Variants in LSAMP observed in about 807,000 individuals in gnomAD.
The protein encoded by LSAMP is limbic system associated membrane protein.
A neutral mutation model predicts 38.6 loss-of-function variants in LSAMP; 7 were observed. The observed-to-expected ratio is 0.18, with a 90% CI of 0.10 to 0.34. LSAMP has a LOEUF of 0.34. Among genes scored for constraint, LSAMP ranks in the 10% least tolerant of loss-of-function variants. The pLI, the probability that LSAMP is intolerant of heterozygous loss-of-function variation, is 1.00. For missense variants in LSAMP, 313 were observed against 420.0 expected (o/e 0.75, Z 2.23); for synonymous variants, 154 against 166.8 (o/e 0.92, Z 0.59).
chr3:116,245,715 C>G (rs1015087981), intron 1 of LSAMP, among the ~76,000 whole-genome samples: 1 of 152,076 alleles, frequency 6.6e-6, no homozygotes, highest in African/African-American at 2.4e-5. Context: ...TCATTAAACA[C>G]CTGAGAGATT....
intron 6 of LSAMP, among the ~76,000 whole-genome samples, chr3:115,817,444 C>G (rs958277396): frequency 2.0e-5 from 3 of 150,510 alleles, no homozygotes; most frequent in African/African-American, 7.4e-5. Flanking sequence ...AGTGGATATT[C>G]AATAAATATT....
intron 6 of LSAMP, among the ~76,000 whole-genome samples, chr3:115,818,483 CTT>C (rs1056002101): frequency 1.4e-4 from 22 of 151,992 alleles, no homozygotes; most frequent in African/African-American, 7.2e-5. Flanking sequence ...CTTCACCTCT[CTT>C]TGCGTCAGTT....
chr3:116,026,468 T>C (rs1576316769), intron 2 of LSAMP, among the ~76,000 whole-genome samples: 1 of 152,300 alleles, frequency 6.6e-6, no homozygotes, highest in East Asian at 1.9e-4. Context: ...TAGACATATA[T>C]GATTTACTTG....
chr3:115,996,284 C>T (rs752465773), intron 3 of LSAMP, among the ~76,000 whole-genome samples: 18 of 152,154 alleles, frequency 1.2e-4, no homozygotes, highest in Non-Finnish European at 2.4e-4. Context: ...TGAACATTTA[C>T]TACATGTTAG....
At chr3:116,152,222 C>G (rs1281328564) in intron 1 of LSAMP, among the ~76,000 whole-genome samples, 1 of 152,116 alleles carries the variant, frequency 6.6e-6, no homozygotes, top group Non-Finnish European at 1.5e-5. Flanking sequence ...ATACACTCTA[C>G]TATTAATAGA....
rs926725439 is a variant in LSAMP, at chr3:116,202,529, C to G, written c.156-115973G>C. 1.4e-4 allele frequency among the ~76,000 whole-genome samples: 22 copies of G among 152,044 alleles called. 1 individual carries two copies. Among genetic ancestry groups the G allele is most frequent in the Non-Finnish European group, 7.4e-5 (5 of 68,010 alleles). The stretch of plus-strand genomic sequence containing the variant: ...GTGCGATCATAGCTCACTGCAGCCT[C>G]TACCACCCAGGCTCGAATTATTGTT... On this transcript the variant is annotated intron_variant, in intron 1 of 6. Coordinates refer to ENST00000490035, the MANE Select transcript of LSAMP (RefSeq NM_002338.5).
intron 2 of LSAMP, among the ~76,000 whole-genome samples, chr3:116,077,689 A>C (rs1468565106): frequency 6.6e-6 from 1 of 152,154 alleles, no homozygotes; most frequent in Non-Finnish European, 1.5e-5. Context: ...TGTATCCTTC[A>C]CCCAGACTCT....
At chr3:116,167,837 G>A (rs925684564) in intron 1 of LSAMP, among the ~76,000 whole-genome samples, 3 of 152,230 alleles carry the variant, frequency 2.0e-5, no homozygotes, top group Admixed American at 6.5e-5. Flanking sequence ...AGATAAATCT[G>A]TGTGTGAATA....
chr3:116,190,013 T>C (rs1031930963), intron 1 of LSAMP, among the ~76,000 whole-genome samples: 90 of 151,800 alleles, frequency 5.9e-4, no homozygotes, highest in Admixed American at 5.9e-3. Context: ...ATTTTACCTT[T>C]CAATGTAAAA....
chr3:115,905,074 A>T (rs1936975840), intron 3 of LSAMP, among the ~76,000 whole-genome samples: 1 of 152,110 alleles, frequency 6.6e-6, no homozygotes, highest in South Asian at 2.1e-4. Context: ...GCTCTACTTC[A>T]GACATATCTT....
intron 1 of LSAMP, among the ~76,000 whole-genome samples, chr3:116,297,811 T>A (rs1216824063): frequency 1.3e-5 from 2 of 152,234 alleles, no homozygotes; most frequent in East Asian, 3.8e-4. Flanking sequence ...TAAATATTCA[T>A]CCTTTGCACT....
intron 3 of LSAMP, among the ~76,000 whole-genome samples, chr3:115,959,965 TAG>T (rs1198171687): frequency 2.6e-5 from 4 of 152,150 alleles, no homozygotes; most frequent in Admixed American, 2.6e-4. Flanking sequence ...AAAGGGAATA[TAG>T]AGAGAGTCCA....
intron 3 of LSAMP, among the ~76,000 whole-genome samples, chr3:115,964,496 G>A (rs1938733232): frequency 6.6e-6 from 1 of 152,174 alleles, no homozygotes; most frequent in Admixed American, 6.5e-5. Flanking sequence ...AATGGTTCAA[G>A]AATGCCCTCT....
intron 3 of LSAMP, among the ~76,000 whole-genome samples, chr3:115,956,556 A>G (rs539386621): frequency 3.9e-5 from 6 of 152,018 alleles, no homozygotes; most frequent in Admixed American, 2.6e-4. Flanking sequence ...TTGGTAGAAG[A>G]TACTCATGTT....
rs1234478182 is a variant in LSAMP at position 115,913,275 on chromosome 3, A to G, written c.515-60658T>C. On this transcript the variant is annotated intron_variant, in intron 3 of 6. Transcript: ENST00000490035. ...CTGCCTGTATAATGACACCTAGTGG[A>G]GAGAATGTAAATGATACTATGTTTC... Among the ~76,000 whole-genome samples the G allele has an allele frequency of 3.9e-5, 6 of 152,308 alleles. No homozygotes were observed. In the East Asian group the frequency reaches 9.6e-4, roughly 24 times the overall value.
chr3:116,322,800 C>T (rs1048177877), intron 1 of LSAMP, among the ~76,000 whole-genome samples: 6 of 151,992 alleles, frequency 3.9e-5, no homozygotes, highest in African/African-American at 1.4e-4. Context: ...CTCTCCTTTT[C>T]TTCCGCCATC....
chr3:116,069,493 C>A (rs1707547887), intron 2 of LSAMP, among the ~76,000 whole-genome samples: 1 of 151,780 alleles, frequency 6.6e-6, no homozygotes, highest in African/African-American at 2.4e-5. Context: ...TCATAAATAT[C>A]TTGTAGGAAT....
At chr3:116,083,766 T>C (rs139613563) in intron 2 of LSAMP, among the ~76,000 whole-genome samples, 22 of 152,260 alleles carry the variant, frequency 1.4e-4, no homozygotes, top group African/African-American at 4.8e-4. Context: ...GTATCTTTGA[T>C]GTGGTGAAAA....
intron 6 of LSAMP, among the ~76,000 whole-genome samples, chr3:115,819,149 CA>C (rs532720853): frequency 6.7e-6 from 1 of 148,492 alleles, no homozygotes; most frequent in Non-Finnish European, 1.5e-5. Flanking sequence ...GACTCCATCT[CA>C]AAAAAACAAA....
Sources: allele counts gnomAD v4.1 joint callset (sites outside exome capture counted in the v4.1 genomes callset), GRCh38; gene constraint gnomAD v4.1.1; transcripts MANE v1.5; gene names NCBI Gene and HGNC (gene_info 2026-07-23, HGNC 2026-07-21).